The following LARGE1 variants were observed in gnomAD, a reference collection of about 807,000 sequenced individuals.
LARGE1 encodes xylosyl- and glucuronyltransferase LARGE1.
In LARGE1, 43 loss-of-function variants were observed where a neutral mutation model predicts 87.6. That is an observed-to-expected ratio of 0.49 (90% CI 0.38 to 0.63). The LOEUF (loss-of-function observed/expected upper bound fraction) is 0.63. Among genes scored for constraint, LARGE1 ranks in the 30% least tolerant of loss-of-function variants. The pLI is 0.00. For synonymous variants in LARGE1, 434 were observed against 394.6 expected (o/e 1.10, Z -1.18); for missense variants, 802 against 1,000.2 (o/e 0.80, Z 2.67).
At chr22:33,628,157 G>A (rs1462315109) in intron 3 of LARGE1, among the ~76,000 whole-genome samples, 1 of 152,208 alleles carries the variant, frequency 6.6e-6, no homozygotes, top group African/African-American at 2.4e-5. Flanking sequence ...AAGCTAGTAT[G>A]TAGTGAGCAA....
At chr22:33,279,695 T>G (rs1299343312) in intron 13 of LARGE1, among the ~76,000 whole-genome samples, 1 of 152,218 alleles carries the variant, frequency 6.6e-6, no homozygotes, top group Non-Finnish European at 1.5e-5. Flanking sequence ...GCAATGCCAT[T>G]TTCATGGAGT....
intron 6 of LARGE1, among the ~76,000 whole-genome samples, chr22:33,459,441 CTTTTTTTT>C (rs3071562): frequency 4.8e-4 from 61 of 128,330 alleles, no homozygotes; most frequent in African/African-American, 1.5e-3. Context: ...CGCTCTCTCT[CTTTTTTTT>C]TTTTTTTTTT....
Position 33,273,717 on chromosome 22 carries a change from G to A in LARGE1, c.*710C>T. 2.5e-6 allele frequency: 1 copy of A among 398,648 alleles called. No individual in the cohort carries two copies. Among genetic ancestry groups the A allele is most frequent in the South Asian group, 1.4e-4 (1 of 7,276 alleles). 24.7% of individuals were successfully genotyped at this position (398,648 alleles called of 1,614,324 possible). ...CCTGGGCCACTGCTGATAGAGGGTG[G>A]TTGGTAGAGGCAGCTGATTTTCCTT... On this transcript the variant is annotated 3_prime_UTR_variant, in exon 15 of 15. Coordinates refer to ENST00000397394, the MANE Select transcript of LARGE1 (RefSeq NM_133642.5).
At chr22:33,336,541 G>A (rs1273434908) in intron 10 of LARGE1, among the ~76,000 whole-genome samples, 1 of 152,058 alleles carries the variant, frequency 6.6e-6, no homozygotes, top group Non-Finnish European at 1.5e-5. Context: ...TGAAGAAAAT[G>A]AAGCACAGAG....
intron 1 of LARGE1, among the ~76,000 whole-genome samples, chr22:33,813,995 G>A (rs545916140): frequency 2.0e-5 from 3 of 152,044 alleles, no homozygotes. Context: ...CCTGTTTAGA[G>A]AAAAAACTTT....
At chr22:33,584,395 C>A (rs1027528900) in intron 5 of LARGE1, among the ~76,000 whole-genome samples, 1 of 152,140 alleles carries the variant, frequency 6.6e-6, no homozygotes. Context: ...GCTCAGGGTT[C>A]CCCTTTTTCT....
intron 11 of LARGE1, among the ~76,000 whole-genome samples, chr22:33,258,038 T>A (rs75748748): frequency 0.03 from 4,482 of 151,866 alleles, 150 homozygotes; most frequent in East Asian, 0.11. Context: ...GTATATATAT[T>A]TTTTTGAGAC....
At chr22:33,692,812 T>C (rs2082133301) in intron 2 of LARGE1, among the ~76,000 whole-genome samples, 1 of 152,184 alleles carries the variant, frequency 6.6e-6, no homozygotes. Flanking sequence ...TCCAAAAATA[T>C]GACATATGTA....
intron 6 of LARGE1, among the ~76,000 whole-genome samples, chr22:33,445,674 A>G (rs1201148314): frequency 4.4e-5 from 6 of 135,956 alleles, no homozygotes; most frequent in Admixed American, 7.5e-5. Flanking sequence ...TTGAGACAAG[A>G]GTTTCACTTT....
At chr22:33,310,412 C>T (rs1231482546) in intron 11 of LARGE1, among the ~76,000 whole-genome samples, 2 of 152,030 alleles carry the variant, frequency 1.3e-5, no homozygotes, top group Non-Finnish European at 2.9e-5. Flanking sequence ...TCCCTCTGTC[C>T]CTTTGCCATT....
chr22:33,325,572 C>T (rs1176949068), intron 10 of LARGE1, among the ~76,000 whole-genome samples: 2 of 152,228 alleles, frequency 1.3e-5, no homozygotes, highest in Non-Finnish European at 2.9e-5. Flanking sequence ...TGCAAGGTTC[C>T]AGCAGGTTGA....
chr22:33,534,969 G>A (rs187852736), intron 6 of LARGE1, among the ~76,000 whole-genome samples: 94 of 152,256 alleles, frequency 6.2e-4, no homozygotes, highest in African/African-American at 2.2e-3. Flanking sequence ...AACTTAATAC[G>A]ACTTTACATG....
chr22:33,850,268 T>C (rs1016287518), intron 1 of LARGE1, among the ~76,000 whole-genome samples: 39 of 152,146 alleles, frequency 2.6e-4, no homozygotes, highest in Non-Finnish European at 5.9e-5. Context: ...TTCTAACCCC[T>C]ATTTTCCCAT....
At chr22:33,129,555 C>T in the LARGE1 span, among the ~76,000 whole-genome samples, 890 of 152,050 alleles carry the variant, frequency 5.9e-3, 7 homozygotes, top group African/African-American at 0.02. Context: ...TATATACGCA[C>T]GTATTAAAAA....
chr22:33,245,051 T>C (rs1410303836), intron 11 of LARGE1, among the ~76,000 whole-genome samples: 1 of 152,208 alleles, frequency 6.6e-6, no homozygotes, highest in Non-Finnish European at 1.5e-5. Context: ...AAACCAGCCA[T>C]TTAGTCCATC....
At chr22:33,828,934 C>T (rs1007047703) in intron 1 of LARGE1, among the ~76,000 whole-genome samples, 8 of 151,732 alleles carry the variant, frequency 5.3e-5, no homozygotes, top group South Asian at 2.1e-4. Flanking sequence ...ATCTCAGAGG[C>T]TCGCTTTCTC....
intron 1 of LARGE1, among the ~76,000 whole-genome samples, chr22:33,780,149 T>C (rs2085373334): frequency 6.6e-6 from 1 of 152,158 alleles, no homozygotes; most frequent in Non-Finnish European, 1.5e-5. Flanking sequence ...CACGTCTGTG[T>C]CCAAACTTCC....
intron 5 of LARGE1, among the ~76,000 whole-genome samples, chr22:33,565,941 G>A (rs965346159): frequency 2.0e-5 from 3 of 152,186 alleles, no homozygotes; most frequent in Non-Finnish European, 4.4e-5. Flanking sequence ...ACTGTGGGCA[G>A]AGGCCCCAAC....
intron 1 of LARGE1, among the ~76,000 whole-genome samples, chr22:33,793,580 A>G (rs910181994): frequency 1.4e-4 from 22 of 152,332 alleles, no homozygotes; most frequent in South Asian, 8.3e-4. Context: ...AGTGAGGAAT[A>G]TTGCTTCTTT....
Sources: gnomAD v4.1 joint callset for allele counts (sites outside exome capture counted in the v4.1 genomes callset) on GRCh38, gnomAD v4.1.1 for gene constraint, MANE v1.5 for transcripts, NCBI Gene and HGNC (gene_info 2026-07-23, HGNC 2026-07-21) for gene names.